Variants in DPP6 observed in about 807,000 individuals in gnomAD.
DPP6 encodes the protein A-type potassium channel modulatory protein DPP6.
A neutral mutation model predicts 122.6 loss-of-function variants in DPP6; 69 were observed. The observed-to-expected ratio is 0.56, with a 90% confidence interval of 0.46 to 0.69. DPP6 has a LOEUF of 0.69. Ranked by LOEUF, DPP6 falls within the 30% of genes least tolerant of loss-of-function variation. The pLI, the probability that DPP6 is intolerant of heterozygous loss-of-function variation, is 0.00. For synonymous variants in DPP6, 418 were observed against 433.1 expected (o/e 0.97, Z 0.43); for missense variants, 928 against 1,116.9 (o/e 0.83, Z 2.41).
chr7:154,159,654 A>C (rs1796875431), intron 1 of DPP6, among the ~76,000 whole-genome samples: 1 of 152,304 alleles, frequency 6.6e-6, no homozygotes, highest in Admixed American at 6.5e-5. Flanking sequence ...ACTTGCGCAC[A>C]AAGATGTCAG....
intron 2 of DPP6, among the ~76,000 whole-genome samples, chr7:154,454,030 C>T (rs1005612476): frequency 6.6e-6 from 1 of 152,072 alleles, no homozygotes; most frequent in African/African-American, 2.4e-5. Context: ...AAATAGATGG[C>T]TTGCTCCGTA....
the DPP6 span, among the ~76,000 whole-genome samples, chr7:153,823,293 A>T: frequency 6.6e-6 from 1 of 151,854 alleles, no homozygotes; most frequent in Admixed American, 6.6e-5. Context: ...AAGCCCTAAG[A>T]AGCCTGGCCC....
chr7:154,351,869 C>T (rs1042349312), intron 1 of DPP6, among the ~76,000 whole-genome samples: 10 of 152,128 alleles, frequency 6.6e-5, no homozygotes, highest in Admixed American at 2.6e-4. Context: ...CTGCATGGCA[C>T]CTCTGCTCCC....
intron 4 of DPP6, among the ~76,000 whole-genome samples, chr7:154,549,617 A>G (rs1210963680): frequency 1.3e-5 from 2 of 152,124 alleles, no homozygotes; most frequent in East Asian, 3.8e-4. Context: ...ACAACAACTA[A>G]CCATGGAAGC....
chr7:153,857,890 G>A, the DPP6 span, among the ~76,000 whole-genome samples: 4 of 152,144 alleles, frequency 2.6e-5, no homozygotes, highest in South Asian at 2.1e-4. Flanking sequence ...TGTCCTTTCC[G>A]TAAATGAAGA....
intron 1 of DPP6, among the ~76,000 whole-genome samples, chr7:154,023,317 T>TGCACGCGCACAC (rs3059905): frequency 1.5e-4 from 6 of 40,964 alleles, no homozygotes; most frequent in Non-Finnish European, 2.7e-4. Flanking sequence ...GTTTCTTGTC[T>TGCACGCGCACAC]GCACACACAC....
At chr7:153,790,708 T>A in the DPP6 span, among the ~76,000 whole-genome samples, 4 of 152,346 alleles carry the variant, frequency 2.6e-5, no homozygotes, top group African/African-American at 9.6e-5. Flanking sequence ...GTAAAGTATG[T>A]GAACAAAAGA....
At chr7:153,867,431 T>C in the DPP6 span, among the ~76,000 whole-genome samples, 51 of 152,342 alleles carry the variant, frequency 3.3e-4, no homozygotes, top group African/African-American at 1.1e-3. Context: ...GGGAGTTCAC[T>C]CATGATTTGG....
chr7:153,863,352 GGTTCCAAGT>G, the DPP6 span, among the ~76,000 whole-genome samples: 1 of 152,116 alleles, frequency 6.6e-6, no homozygotes. Flanking sequence ...CATTGGGGTT[GGTTCCAAGT>G]CTTTGCTGTT....
intron 5 of DPP6, among the ~76,000 whole-genome samples, chr7:154,608,730 C>T (rs1306274383): frequency 2.0e-5 from 3 of 152,008 alleles, no homozygotes; most frequent in Non-Finnish European, 4.4e-5. Flanking sequence ...TCATTTTAAC[C>T]TTCTGTCAAT....
intron 16 of DPP6, among the ~76,000 whole-genome samples, chr7:154,851,554 A>G (rs1409883436): frequency 1.3e-5 from 2 of 152,238 alleles, no homozygotes; most frequent in African/African-American, 4.8e-5. Flanking sequence ...GTTTGACTCA[A>G]TAATTTAAAC....
chr7:154,242,076 T>C (rs1340427791), intron 1 of DPP6, among the ~76,000 whole-genome samples: 1 of 152,220 alleles, frequency 6.6e-6, no homozygotes, highest in African/African-American at 2.4e-5. Flanking sequence ...GTTTCATTCC[T>C]TAGAAAGTGC....
chr7:153,886,525 C>T (rs1046422103), upstream of DPP6, among the ~76,000 whole-genome samples: 1 of 152,154 alleles, frequency 6.6e-6, no homozygotes, highest in Non-Finnish European at 1.5e-5. Flanking sequence ...AGAAACAAAG[C>T]CGCCGAGGGA....
rs56012436 is a variant in DPP6 at position 154,539,787 on chromosome 7, TAAAA to T, written c.458-740_458-737del. 2.6e-5 allele frequency among the ~76,000 whole-genome samples: 4 copies of T among 151,770 alleles called. No homozygotes were observed. The South Asian group carries it at 8.3e-4, about 31-fold the overall frequency. On this transcript the variant is annotated intron_variant, in intron 3 of 25. Transcript: ENST00000377770. ...TGATGAAATAAACATTTTTTTAAATTAAAAAAAATTATTGGTGTATTTATTTTGC... is the reference window on the plus strand; with the variant it reads ...TGATGAAATAAACATTTTTTTAAATTAAAATTATTGGTGTATTTATTTTGC...
intron 3 of DPP6, among the ~76,000 whole-genome samples, chr7:154,477,723 A>C (rs765363781): frequency 6.6e-6 from 1 of 152,142 alleles, no homozygotes; most frequent in Non-Finnish European, 1.5e-5. Flanking sequence ...CTGGGAGTTA[A>C]TACACGCAAT....
chr7:154,793,290 G>A (rs1028055298), intron 10 of DPP6, among the ~76,000 whole-genome samples: 3 of 152,082 alleles, frequency 2.0e-5, no homozygotes, highest in Non-Finnish European at 4.4e-5. Flanking sequence ...TGGTCTTTTT[G>A]GGGCATTAAT....
chr7:154,288,236 T>C (rs941033241), intron 1 of DPP6, among the ~76,000 whole-genome samples: 1 of 152,208 alleles, frequency 6.6e-6, no homozygotes, highest in Non-Finnish European at 1.5e-5. Context: ...GTGTGAACTT[T>C]CTGCCCAGAG....
chr7:154,376,271 T>G (rs953639355), intron 1 of DPP6, among the ~76,000 whole-genome samples: 2 of 152,218 alleles, frequency 1.3e-5, no homozygotes, highest in African/African-American at 2.4e-5. Context: ...CTGGAAGGAC[T>G]GAAGCCACTG....
intron 1 of DPP6, among the ~76,000 whole-genome samples, chr7:154,323,031 G>T (rs1323483691): frequency 1.3e-5 from 2 of 151,852 alleles, no homozygotes; most frequent in Admixed American, 1.3e-4. Flanking sequence ...AGCTGGCCTG[G>T]TTGCAGAAGA....
Sources: allele counts gnomAD v4.1 joint callset (sites outside exome capture counted in the v4.1 genomes callset), GRCh38; gene constraint gnomAD v4.1.1; transcripts MANE v1.5; gene names NCBI Gene and HGNC (gene_info 2026-07-23, HGNC 2026-07-21).